PDIA6: variants seen among roughly 807,000 people sequenced by gnomAD.
PDIA6 encodes protein disulfide isomerase family A member 6.
A neutral mutation model predicts 58.4 loss-of-function variants in PDIA6; 29 were observed. The observed-to-expected ratio is 0.50, with a 90% confidence interval of 0.37 to 0.68. The LOEUF (loss-of-function observed/expected upper bound fraction) is 0.68, where lower values mean the gene tolerates loss of function less well. PDIA6 is among the 30% of genes least tolerant of loss of function. PDIA6 has a pLI of 0.00. For synonymous variants in PDIA6, 192 were observed against 202.6 expected, an observed-to-expected ratio of 0.95 and a Z score of 0.44; for missense variants, 480 against 551.0, an observed-to-expected ratio of 0.87 and a Z score of 1.29.
At chr2:10,798,546 C>A (rs1686443) in intron 2 of PDIA6, among the ~76,000 whole-genome samples, 72,939 of 146,274 alleles carry the variant, frequency 0.5, 19,329 homozygotes, top group South Asian at 0.6. Context: ...CCAGCCCGGG[C>A]AACACAGCAA....
In PDIA6 at chr2:10,802,206, A is replaced by G. The variant is rs533304848; in HGVS notation, c.161+293T>C. ...TTTTCTAACTACATTTTTTCAGGAA[A>G]TAATTCTCTTCAAGAAACAGAGTGA... On this transcript the variant is annotated intron_variant, in intron 2 of 12. Transcript: ENST00000272227. Among the ~76,000 whole-genome samples the G allele has an allele frequency of 3.6e-3, 554 of 152,352 alleles. 5 individuals are homozygous for G. Among genetic ancestry groups the G allele is most frequent in the African/African-American group, 0.013 (537 of 41,586 alleles).
chr2:10,818,478 TTTAATTTATTTATTTATTTATTTATTTA>T (rs1667272347), intron 2 of PDIA6, among the ~76,000 whole-genome samples: 1 of 120,948 alleles, frequency 8.3e-6, no homozygotes, highest in South Asian at 2.8e-4. Context: ...ACTTTAACCA[TTTAATTTATTTATTTATTTATTTATTTA>T]TTTATTTATT....
At chr2:10,808,740 G>A (rs1457829389) in intron 1 of PDIA6, among the ~76,000 whole-genome samples, 1 of 152,210 alleles carries the variant, frequency 6.6e-6, no homozygotes, top group East Asian at 1.9e-4. Context: ...ATAGCCACTA[G>A]CTACATGTGG....
chr2:10,810,771 A>G (rs1190199693), intron 1 of PDIA6, among the ~76,000 whole-genome samples: 1 of 152,154 alleles, frequency 6.6e-6, no homozygotes, highest in African/African-American at 2.4e-5. Flanking sequence ...AACTACCTCC[A>G]ACCCCCAAGA....
intron 11 of PDIA6, among the ~76,000 whole-genome samples, chr2:10,786,426 G>C (rs975338531): frequency 3.9e-5 from 6 of 152,144 alleles, no homozygotes; most frequent in African/African-American, 1.4e-4. Context: ...TGAAGCAGCT[G>C]ATCTCACAGG....
In PDIA6 at chr2:10,797,733, T is replaced by C; in HGVS notation, c.186A>G (p.Thr62=). ...CAGTTGCTGCTTTCTTCCATTCTGG[T>C]GTTAATCTTTGACAGTGACCACACC... The part of the protein sequence containing the change: ...APWCGHCQRL[T]PEWKKAATAL... The change falls in exon 3 of 13, where the codon ACA becomes ACG. Residue 62 remains threonine, a synonymous_variant. Coordinates refer to ENST00000272227, the MANE Select transcript of PDIA6 (RefSeq NM_005742.4). The C allele has an allele frequency of 6.2e-7, 1 of 1,613,258 alleles. No homozygotes were observed. Among genetic ancestry groups the C allele is most frequent in the Non-Finnish European group, 8.5e-7 (1 of 1,179,622 alleles).
chr2:10,784,045 T>A lies in PDIA6; in HGVS notation c.*213A>T, dbSNP rs1572639113. ...TATTATGTGACAGAATACGACTCAA[T>A]TCACCGGCTACAACAATTCATAGAA... On this transcript the variant is annotated 3_prime_UTR_variant, in exon 13 of 13. Transcript: ENST00000272227. 1 of 401,006 alleles carries A rather than the reference T, an allele frequency of 2.5e-6. No homozygotes were observed. Among genetic ancestry groups the A allele is most frequent in the East Asian group, 3.7e-5 (1 of 26,684 alleles). 24.8% of individuals were successfully genotyped at this position (401,006 alleles called of 1,614,324 possible). A position where few individuals can be genotyped will look rare whatever the true frequency, so the allele number is the denominator to read the frequency against.
intron 1 of PDIA6, among the ~76,000 whole-genome samples, chr2:10,831,632 C>T (rs1325323127): frequency 1.3e-5 from 2 of 152,198 alleles, no homozygotes; most frequent in Admixed American, 1.3e-4. Flanking sequence ...CACACCCTGC[C>T]TGGCAGACAC....
At chr2:10,830,088 C>T (rs1016952888) in intron 1 of PDIA6, among the ~76,000 whole-genome samples, 1 of 152,152 alleles carries the variant, frequency 6.6e-6, no homozygotes, top group Admixed American at 6.5e-5. Flanking sequence ...TAGGAAGCTT[C>T]CTCACCCCAG....
At chr2:10,812,462 G>C (rs929469780) in intron 1 of PDIA6, among the ~76,000 whole-genome samples, 10 of 151,604 alleles carry the variant, frequency 6.6e-5, no homozygotes, top group Non-Finnish European at 1.5e-4. Context: ...CCGCGGCTGC[G>C]GAAGCCCCTC....
At chr2:10,806,416 T>C (rs527411693) in intron 1 of PDIA6, among the ~76,000 whole-genome samples, 3 of 147,752 alleles carry the variant, frequency 2.0e-5, no homozygotes, top group African/African-American at 7.4e-5. Context: ...CTGTTTTGTA[T>C]AATGCGTTTT....
chr2:10,820,193 T>A (rs1667341809), intron 1 of PDIA6, among the ~76,000 whole-genome samples: 1 of 152,176 alleles, frequency 6.6e-6, no homozygotes, highest in South Asian at 2.1e-4. Context: ...AGAGAGAGAA[T>A]AGCTCTCTGT....
intron 1 of PDIA6, chr2:10,810,352 T>G (rs1266940693): frequency 2.7e-5 from 41 of 1,516,686 alleles, no homozygotes; most frequent in Non-Finnish European, 3.3e-5. Context: ...TTAGGTACTT[T>G]CACTTCTCTT....
At chr2:10,815,201 C>G (rs1485948248), upstream of PDIA6, among the ~76,000 whole-genome samples, 1 of 152,172 alleles carries the variant, frequency 6.6e-6, no homozygotes, top group African/African-American at 2.4e-5. Context: ...TCTGGAAATG[C>G]ACAGGCTTCC....
intron 2 of PDIA6, among the ~76,000 whole-genome samples, chr2:10,801,007 A>G (rs1047292322): frequency 2.0e-5 from 3 of 152,188 alleles, no homozygotes; most frequent in African/African-American, 7.2e-5. Context: ...GACCCAGTGC[A>G]GTGGCTCACA....
chr2:10,831,513 G>A (rs1032421185), intron 1 of PDIA6, among the ~76,000 whole-genome samples: 1 of 152,178 alleles, frequency 6.6e-6, no homozygotes, highest in South Asian at 2.1e-4. Context: ...TGGGGCAGGG[G>A]CAGGTCATCG....
At chr2:10,815,019 T>C (rs1435203321), upstream of PDIA6, among the ~76,000 whole-genome samples, 1 of 152,180 alleles carries the variant, frequency 6.6e-6, no homozygotes, top group Non-Finnish European at 1.5e-5. Context: ...CTCTGGACCG[T>C]GGGCTGAATG....
chr2:10,804,020 T>C lies in PDIA6; in HGVS notation c.20-1380A>G, dbSNP rs554710045. On this transcript the variant is annotated intron_variant, in intron 1 of 12. Coordinates refer to ENST00000272227, the MANE Select transcript of PDIA6 (RefSeq NM_005742.4). The stretch of plus-strand genomic sequence containing the variant: ...GCCACCCGGGTTCACGCCATTCTCC[T>C]GCCTCAACCTCCTGAGTAACCGGGA... Among the ~76,000 whole-genome samples, 57 of 149,408 alleles carry C rather than the reference T, an allele frequency of 3.8e-4. 1 individual carries two copies. Among genetic ancestry groups the C allele is most frequent in the South Asian group, 2.0e-3 (9 of 4,574 alleles).
intron 1 of PDIA6, among the ~76,000 whole-genome samples, chr2:10,805,986 A>G (rs1178216772): frequency 3.7e-5 from 2 of 53,628 alleles, no homozygotes; most frequent in African/African-American, 8.3e-5. Flanking sequence ...GGTGCAGTGC[A>G]CCAGCATGGC....
Sources: gnomAD v4.1 joint callset for allele counts (sites outside exome capture counted in the v4.1 genomes callset) on GRCh38, gnomAD v4.1.1 for gene constraint, MANE v1.5 for transcripts, NCBI Gene and HGNC (gene_info 2026-07-23, HGNC 2026-07-21) for gene names.